VWA3B: variants seen among roughly 807,000 people sequenced by gnomAD.
VWA3B encodes the protein von Willebrand factor A domain containing 3B.
A neutral mutation model predicts 158.3 loss-of-function variants in VWA3B; 138 were observed. The ratio of observed to expected loss-of-function variants is 0.87; its 90% CI spans 0.76 to 1.00. The LOEUF is 1.00. Ranked by LOEUF, VWA3B falls within the 50% of genes least tolerant of loss-of-function variation. The pLI is 0.00. For missense variants in VWA3B, 1,555 were observed against 1,565.1 expected (o/e 0.99, Z 0.11); for synonymous variants, 596 against 587.3 (o/e 1.01, Z -0.21).
At chr2:98,131,522 CAT>C (rs1675870539) in intron 6 of VWA3B, among the ~76,000 whole-genome samples, 1 of 152,172 alleles carries the variant, frequency 6.6e-6, no homozygotes, top group South Asian at 2.1e-4. Flanking sequence ...GAGAAATCTC[CAT>C]AGTCTTTCCT....
intron 6 of VWA3B, 36 bp from the exon 7 acceptor site, chr2:98,133,788 T>G: frequency 6.3e-7 from 1 of 1,592,562 alleles, no homozygotes; most frequent in African/African-American, 1.3e-5. Context: ...GACACCTGCG[T>G]ACTGCCTTCC....
Position 98,192,954 on chromosome 2 carries a change from G to C in VWA3B, c.1523G>C (p.Cys508Ser), listed in dbSNP as rs936739670. 6.2e-7 allele frequency: 1 copy of C among 1,614,148 alleles called. No homozygotes were observed. The highest frequency in any genetic ancestry group is 8.5e-7 in the Non-Finnish European group (1 of 1,180,016). ...QSLFGRLHNDCIYILIDTSHS... is the reference protein window; with the variant it reads ...QSLFGRLHNDSIYILIDTSHS... ...CTCTTTGGAAGATTGCATAATGATT[G>C]CATCTACATTCTCATTGACACGTCT... Residue 508 changes from cysteine to serine, a missense_variant, in exon 11 of 28, where the codon TGC becomes TCC. Physicochemically the swap from Cys to Ser is moderately radical, Grantham distance 112 (BLOSUM62 -1). Transcript: ENST00000477737.
At chr2:98,204,536 G>A (rs1187188255) in intron 12 of VWA3B, among the ~76,000 whole-genome samples, 1 of 151,974 alleles carries the variant, frequency 6.6e-6, no homozygotes, top group African/African-American at 2.4e-5. Context: ...TCCAAATTTT[G>A]AACCAACTCT....
chr2:98,256,571 TTGTC>T (rs1434065887), intron 21 of VWA3B, among the ~76,000 whole-genome samples: 2 of 152,228 alleles, frequency 1.3e-5, no homozygotes, highest in East Asian at 3.8e-4. Context: ...TACACCACGT[TTGTC>T]TGTCCATTCT....
intron 22 of VWA3B, among the ~76,000 whole-genome samples, chr2:98,278,359 G>C (rs1688657581): frequency 6.6e-6 from 1 of 152,212 alleles, no homozygotes; most frequent in Non-Finnish European, 1.5e-5. Flanking sequence ...AGCCCCAGAG[G>C]GCGTGTGTTA....
At chr2:98,177,590 T>C (rs948270066) in intron 8 of VWA3B, among the ~76,000 whole-genome samples, 2 of 152,054 alleles carry the variant, frequency 1.3e-5, no homozygotes, top group Non-Finnish European at 2.9e-5. Flanking sequence ...TTTCTTTAGC[T>C]TTAGAGTGCC....
intron 8 of VWA3B, 60 bp from the exon 9 acceptor site, chr2:98,180,956 T>TG: frequency 6.5e-7 from 1 of 1,528,082 alleles, no homozygotes; most frequent in Non-Finnish European, 8.9e-7. Context: ...AATATTAAGT[T>TG]GGGGGTGTAA....
At chr2:98,205,091 CAG>C (rs1299031103) in intron 12 of VWA3B, among the ~76,000 whole-genome samples, 2 of 152,188 alleles carry the variant, frequency 1.3e-5, no homozygotes, top group Non-Finnish European at 2.9e-5. Context: ...GCCTGGGTGA[CAG>C]AGAGAGACTC....
intron 22 of VWA3B, among the ~76,000 whole-genome samples, chr2:98,283,123 T>C (rs1688979615): frequency 1.3e-5 from 2 of 152,236 alleles, no homozygotes; most frequent in African/African-American, 4.8e-5. Flanking sequence ...AATCAATATT[T>C]GGAATCTAGA....
intron 9 of VWA3B, among the ~76,000 whole-genome samples, chr2:98,181,950 G>C (rs1366407482): frequency 1.3e-5 from 2 of 152,164 alleles, no homozygotes; most frequent in Non-Finnish European, 2.9e-5. Context: ...CAGAAGACAA[G>C]GTGTCAAAGG....
intron 24 of VWA3B, among the ~76,000 whole-genome samples, chr2:98,298,441 T>TCTATGCTATG (rs781269617): frequency 7.8e-4 from 92 of 118,512 alleles, no homozygotes; most frequent in Middle Eastern, 4.2e-3. Flanking sequence ...TCTATTCTAT[T>TCTATGCTATG]CTATGCCATG....
intron 12 of VWA3B, among the ~76,000 whole-genome samples, chr2:98,195,899 G>A (rs928944147): frequency 6.6e-6 from 1 of 152,146 alleles, no homozygotes; most frequent in Non-Finnish European, 1.5e-5. Context: ...TAAAGAAAAT[G>A]TGGCATATAT....
downstream of VWA3B, among the ~76,000 whole-genome samples, chr2:98,315,498 T>A (rs904216733): frequency 6.6e-6 from 1 of 152,228 alleles, no homozygotes; most frequent in African/African-American, 2.4e-5. Context: ...AGAAGGATGT[T>A]CTTCAGAAGA....
intron 14 of VWA3B, among the ~76,000 whole-genome samples, chr2:98,224,467 T>C (rs1024048869): frequency 5.3e-5 from 8 of 152,088 alleles, no homozygotes. Context: ...AGGAGTAAAA[T>C]GTTGATGCTG....
At chr2:98,145,958 C>T (rs1677145685) in intron 7 of VWA3B, among the ~76,000 whole-genome samples, 1 of 152,146 alleles carries the variant, frequency 6.6e-6, no homozygotes, top group African/African-American at 2.4e-5. Flanking sequence ...TGGTCTCAAA[C>T]TCCTGGCCTC....
At chr2:98,306,666 A>T (rs1690542285) in intron 26 of VWA3B, among the ~76,000 whole-genome samples, 1 of 152,198 alleles carries the variant, frequency 6.6e-6, no homozygotes. Context: ...AGTATTACCC[A>T]TTTTCACCAA....
At chr2:98,211,855 A>G in intron 12 of VWA3B, 75 bp from the exon 13 acceptor site, 2 of 1,297,666 alleles carry the variant, frequency 1.5e-6, no homozygotes, top group East Asian at 2.3e-5. Flanking sequence ...CTTTTTTGGA[A>G]GCAGAAAATA....
At chr2:98,199,848 T>C (rs1406970289) in intron 12 of VWA3B, among the ~76,000 whole-genome samples, 4 of 152,228 alleles carry the variant, frequency 2.6e-5, no homozygotes, top group Non-Finnish European at 5.9e-5. Context: ...TTTCACTTCA[T>C]TTGAATATAA....
At chr2:98,191,933 C>G (rs573505961) in intron 10 of VWA3B, among the ~76,000 whole-genome samples, 1 of 152,320 alleles carries the variant, frequency 6.6e-6, no homozygotes, top group Non-Finnish European at 1.5e-5. Flanking sequence ...CTTACCTCCA[C>G]CCCCCAGGCT....
Sources: allele counts gnomAD v4.1 joint callset (sites outside exome capture counted in the v4.1 genomes callset), GRCh38; gene constraint gnomAD v4.1.1; transcripts MANE v1.5; gene names NCBI Gene and HGNC (gene_info 2026-07-23, HGNC 2026-07-21).